PURB: variants seen among roughly 807,000 people sequenced by gnomAD.
PURB encodes the protein transcriptional regulator protein Pur-beta.
In PURB, 11 loss-of-function variants were observed where a neutral mutation model predicts 21.1. That is an observed-to-expected ratio of 0.52 (90% CI 0.33 to 0.86). The LOEUF is 0.86. Ranked by LOEUF, PURB falls within the 40% of genes least tolerant of loss-of-function variation. The pLI is 0.02. For missense variants in PURB, 357 were observed against 456.5 expected (o/e 0.78, Z 1.99); for synonymous variants, 246 against 210.8 (o/e 1.17, Z -1.45).
rs747267293 is a variant in PURB, at chr7:44,878,031, C to A, written c.*6379G>T. 6.6e-6 allele frequency: 1 copy of A among 152,192 alleles called. No individual in the cohort carries two copies. The highest frequency in any genetic ancestry group is 1.5e-5 in the Non-Finnish European group (1 of 68,034). The allele number at this position is 152,192 out of a possible 1,614,324, so 9.4% of individuals were successfully genotyped here. On this transcript the variant is annotated 3_prime_UTR_variant, in exon 1 of 1. Transcript: ENST00000395699. ...TTTACAAGAGAATAAACAAACCACT[C>A]ACCATCCTATTTCTAAATATAAAGA...
At position 44,883,963 on chromosome 7, in the gene PURB, G is replaced by A; in HGVS notation, c.*447C>T. On this transcript the variant is annotated 3_prime_UTR_variant, in exon 1 of 1. Transcript: ENST00000395699. ...TGATTTCAATGGAGGTGAAGGGATA[G>A]ACACCGCAACAGTGAGGCCTAGAGA... 1 of 165,738 alleles carries A rather than the reference G, an allele frequency of 6.0e-6. No individual in the cohort carries two copies. The highest frequency in any genetic ancestry group is 1.5e-4 in the South Asian group (1 of 6,650). 10.3% of individuals were successfully genotyped at this position (165,738 alleles called of 1,614,324 possible).
Position 44,885,408 on chromosome 7 carries a change from C to G in PURB, c.-60G>C, listed in dbSNP as rs1342975364. 1.5e-6 allele frequency: 1 copy of G among 671,412 alleles called. No individual in the cohort carries two copies. The highest frequency in any genetic ancestry group is 2.0e-5 in the African/African-American group (1 of 50,292). 41.6% of individuals were successfully genotyped at this position (671,412 alleles called of 1,614,324 possible). A position where few individuals can be genotyped will look rare whatever the true frequency, so the allele number is the denominator to read the frequency against. On this transcript the variant is annotated 5_prime_UTR_variant, in exon 1 of 1. Coordinates refer to ENST00000395699, the MANE Select transcript of PURB (RefSeq NM_033224.5). ...GCGCTCGCGCCCCCGCCCTCCGGCT[C>G]GCGCTCCGGGGCCCCCCAGCCTCGC...
chr7:44,882,269 T>C lies in PURB; in HGVS notation c.*2141A>G, dbSNP rs1793888029. ...ACATTATTGAAAAACAGCTGCCTTG[T>C]AGTACAAAATACAGTACAAGTATAC... On this transcript the variant is annotated 3_prime_UTR_variant, in exon 1 of 1. Transcript: ENST00000395699. The C allele has an allele frequency of 6.6e-6, 1 of 152,654 alleles. No individual in the cohort carries two copies. Among genetic ancestry groups the C allele is most frequent in the African/African-American group, 2.4e-5 (1 of 41,472 alleles). The allele number at this position is 152,654 out of a possible 1,614,324, so 9.5% of individuals were successfully genotyped here. A position where few individuals can be genotyped will look rare whatever the true frequency, so the allele number is the denominator to read the frequency against.
rs922713394 is a variant in PURB at position 44,878,661 on chromosome 7, T to C, written c.*5749A>G. The C allele has an allele frequency of 6.6e-6, 1 of 152,668 alleles. No homozygotes were observed. Among genetic ancestry groups the C allele is most frequent in the South Asian group, 2.1e-4 (1 of 4,832 alleles). The allele number at this position is 152,668 out of a possible 1,614,324, so 9.5% of individuals were successfully genotyped here. A position where few individuals can be genotyped will look rare whatever the true frequency, so the allele number is the denominator to read the frequency against. ...ATATTCCCTATTTCTTTAGGAAATA[T>C]AAAATACATTCATAAAGGCCTTACT... On this transcript the variant is annotated 3_prime_UTR_variant, in exon 1 of 1. Transcript: ENST00000395699.
At position 44,884,276 on chromosome 7, in the gene PURB, G is replaced by A. The variant is rs1326125471; in HGVS notation, c.*134C>T. 7 of 1,464,446 alleles carry A rather than the reference G, an allele frequency of 4.8e-6. No individual in the cohort carries two copies. The highest frequency in any genetic ancestry group is 1.9e-4 in the Middle Eastern group (1 of 5,246). 90.7% of individuals were successfully genotyped at this position (1,464,446 alleles called of 1,614,324 possible). On this transcript the variant is annotated 3_prime_UTR_variant, in exon 1 of 1. Coordinates refer to ENST00000395699, the MANE Select transcript of PURB (RefSeq NM_033224.5). The stretch of plus-strand genomic sequence containing the variant: ...TCTTACGATTATTTCTCTTAACTGT[G>A]TTACGTTTTGTTTTTTCCCTCTGCG...
chr7:44,884,968 C>G lies in PURB; in HGVS notation c.381G>C (p.Glu127Asp). Residue 127 changes from glutamate (E) to aspartate (D), a missense_variant, in exon 1 of 1, where the codon GAG (glutamate) becomes GAC (aspartate). Coordinates refer to ENST00000395699, the MANE Select transcript of PURB (RefSeq NM_033224.5). ...TGAGGTCCAGGTAGTACTTGCGGTT[C>G]TCACGCACCAAGAATTCGCTCTTGA... ...RALKSEFLVRENRKYYLDLKE... is the reference protein window; with the variant it reads ...RALKSEFLVRDNRKYYLDLKE... 2 of 1,572,292 alleles carry G rather than the reference C, an allele frequency of 1.3e-6. No homozygotes were observed. Among genetic ancestry groups the G allele is most frequent in the South Asian group, 1.2e-5 (1 of 86,938 alleles).
chr7:44,882,229 G>A lies in PURB; in HGVS notation c.*2181C>T, dbSNP rs1194306101. 1 of 152,534 alleles carries A rather than the reference G, an allele frequency of 6.6e-6. No individual in the cohort carries two copies. The highest frequency in any genetic ancestry group is 1.5e-5 in the Non-Finnish European group (1 of 68,018). 9.4% of individuals were successfully genotyped at this position (152,534 alleles called of 1,614,324 possible). On this transcript the variant is annotated 3_prime_UTR_variant, in exon 1 of 1. Coordinates refer to ENST00000395699, the MANE Select transcript of PURB (RefSeq NM_033224.5). ...AAGAAATAGACACTCAAAACACGTA[G>A]GTAAATACAGCAGGACATTATTGAA...
rs1793820573 is a variant in PURB at position 44,877,706 on chromosome 7, A to C, written c.*6704T>G. ...GTAATCCCAGCTACTTGGGAGGCTGAGGCAGGAGAATCGCTTGAGCCCGGG... is the reference window on the plus strand; with the variant it reads ...GTAATCCCAGCTACTTGGGAGGCTGCGGCAGGAGAATCGCTTGAGCCCGGG... On this transcript the variant is annotated 3_prime_UTR_variant, in exon 1 of 1. Transcript: ENST00000395699. 6.6e-6 allele frequency: 1 copy of C among 152,240 alleles called. No homozygotes were observed. Among genetic ancestry groups the C allele is most frequent in the African/African-American group, 2.4e-5 (1 of 41,410 alleles). The allele number at this position is 152,240 out of a possible 1,614,324, so 9.4% of individuals were successfully genotyped here.
chr7:44,884,473 C>T lies in PURB; in HGVS notation c.876G>A (p.Glu292=), dbSNP rs1367958351. 1 of 1,613,922 alleles carries T rather than the reference C, an allele frequency of 6.2e-7. No homozygotes were observed. Among genetic ancestry groups the T allele is most frequent in the East Asian group, 2.2e-5 (1 of 44,856 alleles). The change falls in exon 1 of 1, where the codon GAG becomes GAA. Residue 292 remains glutamate, a synonymous_variant. Coordinates refer to ENST00000395699, the MANE Select transcript of PURB (RefSeq NM_033224.5). The part of the protein sequence containing the change: ...IQERQRDKLY[E]RRGGGSGGGE... ...CGCCGCCGCTGCCCCCACCACGTCG[C>T]TCATAAAGCTTATCCCTCTGTCGTT...
rs763296168 is a variant in PURB at position 44,884,483 on chromosome 7, T to A, written c.866A>T (p.Lys289Met). The change falls in exon 1 of 1, where the codon AAG (lysine) becomes ATG (methionine). Residue 289 changes from lysine (K) to methionine (M), a missense_variant. Coordinates refer to ENST00000395699, the MANE Select transcript of PURB (RefSeq NM_033224.5). ...GCCCCCACCACGTCGCTCATAAAGC[T>A]TATCCCTCTGTCGTTCCTGGATTTC... ...MKEIQERQRD[K>M]LYERRGGGSG... 9 of 1,613,930 alleles carry A rather than the reference T, an allele frequency of 5.6e-6. No individual in the cohort carries two copies. The Middle Eastern group carries it at 4.9e-4, about 89-fold the overall frequency.
rs747717006 is a variant in PURB, at chr7:44,881,515, C to A, written c.*2895G>T. 6.6e-6 allele frequency: 1 copy of A among 152,550 alleles called. No homozygotes were observed. The highest frequency in any genetic ancestry group is 1.5e-5 in the Non-Finnish European group (1 of 68,012). The allele number at this position is 152,550 out of a possible 1,614,324, so 9.4% of individuals were successfully genotyped here. A position where few individuals can be genotyped will look rare whatever the true frequency, so the allele number is the denominator to read the frequency against. ...ACCATCCCTTGCAGGAGAAACAAAC[C>A]TTAGAGATTGGTTAAGACTTAAAAA... On this transcript the variant is annotated 3_prime_UTR_variant, in exon 1 of 1. Transcript: ENST00000395699.
chr7:44,884,261 A>C lies in PURB; in HGVS notation c.*149T>G, dbSNP rs901508524. ...TGTCCGTCACTGTTCTCTTACGATT[A>C]TTTCTCTTAACTGTGTTACGTTTTG... is the stretch of plus-strand genomic sequence containing the variant. On this transcript the variant is annotated 3_prime_UTR_variant, in exon 1 of 1. Coordinates refer to ENST00000395699, the MANE Select transcript of PURB (RefSeq NM_033224.5). 7.7e-6 allele frequency: 11 copies of C among 1,431,038 alleles called. No individual in the cohort carries two copies. The highest frequency in any genetic ancestry group is 2.1e-4 in the Middle Eastern group (1 of 4,752). The allele number at this position is 1,431,038 out of a possible 1,614,324, so 88.6% of individuals were successfully genotyped here. A position where few individuals can be genotyped will look rare whatever the true frequency, so the allele number is the denominator to read the frequency against.
rs1793941014 is a variant in PURB at position 44,885,280 on chromosome 7, G to A, written c.69C>T (p.Ser23=). 9 of 1,537,008 alleles carry A rather than the reference G, an allele frequency of 5.9e-6. No homozygotes were observed. Among genetic ancestry groups the A allele is most frequent in the Non-Finnish European group, 6.9e-6 (8 of 1,152,572 alleles). The change falls in exon 1 of 1, where the codon TCC becomes TCT. Residue 23 remains serine, a synonymous_variant. Transcript: ENST00000395699. The stretch of plus-strand genomic sequence containing the variant: ...GCGTCTCTTGCTCGCCGCCGCCGCG[G>A]GACGCGGGCTGGAACCCGCACGGCC... ...GGGPCGFQPA[S]RGGGEQETQE...
rs1024308986 is a variant in PURB at position 44,883,036 on chromosome 7, T to C, written c.*1374A>G. ...ATGGTATAAAAATGCTTCCAGGATA[T>C]AGTCAGCATATTCACGTTCACTTCA... On this transcript the variant is annotated 3_prime_UTR_variant, in exon 1 of 1. Transcript: ENST00000395699. 6.6e-6 allele frequency: 1 copy of C among 152,550 alleles called. No individual in the cohort carries two copies. Among genetic ancestry groups the C allele is most frequent in the Admixed American group, 6.5e-5 (1 of 15,280 alleles). 9.4% of individuals were successfully genotyped at this position (152,550 alleles called of 1,614,324 possible). A position where few individuals can be genotyped will look rare whatever the true frequency, so the allele number is the denominator to read the frequency against.
In PURB at chr7:44,879,605, GAA is replaced by G. The variant is rs1174652992; in HGVS notation, c.*4803_*4804del. On this transcript the variant is annotated 3_prime_UTR_variant, in exon 1 of 1. Transcript: ENST00000395699. The stretch of plus-strand genomic sequence containing the variant: ...CTTCAGTGCTGTAGTTGACAGGAAA[GAA>G]AAAGTTACCTTAAGGCTCAAGGGAA... 1 of 152,464 alleles carries G rather than the reference GAA, an allele frequency of 6.6e-6. No individual in the cohort carries two copies. The highest frequency in any genetic ancestry group is 1.5e-5 in the Non-Finnish European group (1 of 67,982). The allele number at this position is 152,464 out of a possible 1,614,324, so 9.4% of individuals were successfully genotyped here.
Position 44,881,831 on chromosome 7 carries a change from C to A in PURB, c.*2579G>T, listed in dbSNP as rs1466250381. The stretch of plus-strand genomic sequence containing the variant: ...TATTCAGCTAATTATAGCTTAGTAG[C>A]CACTGGTGAAGGATTGTGAAGACCC... On this transcript the variant is annotated 3_prime_UTR_variant, in exon 1 of 1. Coordinates refer to ENST00000395699, the MANE Select transcript of PURB (RefSeq NM_033224.5). 1.3e-5 allele frequency: 2 copies of A among 154,696 alleles called. No homozygotes were observed. Among genetic ancestry groups the A allele is most frequent in the African/African-American group, 2.4e-5 (1 of 41,504 alleles). 9.6% of individuals were successfully genotyped at this position (154,696 alleles called of 1,614,324 possible).
rs1793824165 is a variant in PURB at position 44,878,007 on chromosome 7, T to G, written c.*6403A>C. ...CAGTTATGTCTCTGAAAAAGGAATT[T>G]TACAAGAGAATAAACAAACCACTCA... On this transcript the variant is annotated 3_prime_UTR_variant, in exon 1 of 1. Coordinates refer to ENST00000395699, the MANE Select transcript of PURB (RefSeq NM_033224.5). 1 of 152,122 alleles carries G rather than the reference T, an allele frequency of 6.6e-6. No homozygotes were observed. Among genetic ancestry groups the G allele is most frequent in the African/African-American group, 2.4e-5 (1 of 41,406 alleles). 9.4% of individuals were successfully genotyped at this position (152,122 alleles called of 1,614,324 possible). A position where few individuals can be genotyped will look rare whatever the true frequency, so the allele number is the denominator to read the frequency against.
rs1324188599 is a variant in PURB, at chr7:44,879,889, A to C, written c.*4521T>G. The C allele has an allele frequency of 6.6e-6, 1 of 152,646 alleles. No homozygotes were observed. The highest frequency in any genetic ancestry group is 1.5e-5 in the Non-Finnish European group (1 of 68,050). The allele number at this position is 152,646 out of a possible 1,614,324, so 9.5% of individuals were successfully genotyped here. On this transcript the variant is annotated 3_prime_UTR_variant, in exon 1 of 1. Coordinates refer to ENST00000395699, the MANE Select transcript of PURB (RefSeq NM_033224.5). ...TTGAGAAATGTCAGGGTTACAATGG[A>C]AATATACAATGTAAAGTCACTTGAT...
rs1793901528 is a variant in PURB, at chr7:44,883,087, T to C, written c.*1323A>G. 6.6e-6 allele frequency: 1 copy of C among 152,584 alleles called. No homozygotes were observed. The highest frequency in any genetic ancestry group is 2.4e-5 in the African/African-American group (1 of 41,436). The allele number at this position is 152,584 out of a possible 1,614,324, so 9.5% of individuals were successfully genotyped here. A position where few individuals can be genotyped will look rare whatever the true frequency, so the allele number is the denominator to read the frequency against. ...GTTCCATTCACAGATGGATTTCAGCTTCCACCGGGTGCACTGCTTGAATCA... is the reference window on the plus strand; with the variant it reads ...GTTCCATTCACAGATGGATTTCAGCCTCCACCGGGTGCACTGCTTGAATCA... On this transcript the variant is annotated 3_prime_UTR_variant, in exon 1 of 1. Coordinates refer to ENST00000395699, the MANE Select transcript of PURB (RefSeq NM_033224.5).
Sources: gnomAD v4.1 joint callset for allele counts on GRCh38, gnomAD v4.1.1 for gene constraint, MANE v1.5 for transcripts, NCBI Gene and HGNC (gene_info 2026-07-23, HGNC 2026-07-21) for gene names.